The following KCNQ5 variants were observed in gnomAD, a reference collection of about 807,000 sequenced individuals.
The protein encoded by KCNQ5 is potassium voltage-gated channel subfamily Q member 5.
Under a neutral mutation model 98.2 loss-of-function variants are expected in KCNQ5, and 30 were observed. The observed-to-expected ratio is 0.31, with a 90% CI of 0.23 to 0.41. KCNQ5 has a LOEUF of 0.41. Ranked by LOEUF, KCNQ5 falls within the 10% of genes least tolerant of loss-of-function variation. KCNQ5 has a pLI of 1.00. For missense variants in KCNQ5, 835 were observed against 1,182.5 expected (o/e 0.71, Z 4.31); for synonymous variants, 458 against 449.4 (o/e 1.02, Z -0.24).
At chr6:73,054,132 A>G (rs951329341) in intron 3 of KCNQ5, among the ~76,000 whole-genome samples, 1 of 152,214 alleles carries the variant, frequency 6.6e-6, no homozygotes, top group South Asian at 2.1e-4. Flanking sequence ...CAACCTTCCA[A>G]GATTGAACCA....
At chr6:72,868,936 G>A (rs917835095) in intron 1 of KCNQ5, among the ~76,000 whole-genome samples, 3 of 152,138 alleles carry the variant, frequency 2.0e-5, no homozygotes, top group Non-Finnish European at 4.4e-5. Context: ...CAGCACAACA[G>A]AACAATAATT....
At position 72,899,131 on chromosome 6, in the gene KCNQ5, G is replaced by A. The variant is rs770054387; in HGVS notation, c.399-104777G>A. Among the ~76,000 whole-genome samples the A allele has an allele frequency of 7.9e-5, 12 of 151,980 alleles. No individual in the cohort carries two copies. The East Asian group carries it at 9.6e-4, about 12-fold the overall frequency. The stretch of plus-strand genomic sequence containing the variant: ...TTTTTTCCCATTATGTAGGTTGCCC[G>A]CACTCTGATGATAGTTTCTTTTGCT... On this transcript the variant is annotated intron_variant, in intron 1 of 13. Transcript: ENST00000370398.
At chr6:73,113,940 A>G (rs1775372318) in intron 7 of KCNQ5, among the ~76,000 whole-genome samples, 1 of 152,248 alleles carries the variant, frequency 6.6e-6, no homozygotes, top group African/African-American at 2.4e-5. Context: ...TCCAACTTAA[A>G]TGTTGTTCTT....
intron 1 of KCNQ5, among the ~76,000 whole-genome samples, chr6:72,979,126 C>A (rs528452979): frequency 1.0e-3 from 156 of 152,210 alleles, no homozygotes; most frequent in African/African-American, 3.7e-3. Flanking sequence ...TGAATAGTGC[C>A]GCAGTAAACA....
At chr6:72,923,547 T>G (rs1363845820) in intron 1 of KCNQ5, among the ~76,000 whole-genome samples, 1 of 152,222 alleles carries the variant, frequency 6.6e-6, no homozygotes, top group Admixed American at 6.5e-5. Flanking sequence ...TGAGAAATTT[T>G]TTTAATCCTT....
At chr6:73,063,726 G>GATAGATA (rs1772922221) in intron 3 of KCNQ5, among the ~76,000 whole-genome samples, 1 of 83,538 alleles carries the variant, frequency 1.2e-5, no homozygotes, top group Non-Finnish European at 2.4e-5. Flanking sequence ...ATAGATGATA[G>GATAGATA]ATAGATAGAT....
intron 1 of KCNQ5, among the ~76,000 whole-genome samples, chr6:72,694,582 C>G (rs1262735619): frequency 6.6e-6 from 1 of 152,122 alleles, no homozygotes; most frequent in African/African-American, 2.4e-5. Context: ...ATTTCCTCAT[C>G]TATAAGATAA....
At chr6:72,864,335 G>C (rs1049126108) in intron 1 of KCNQ5, among the ~76,000 whole-genome samples, 3 of 152,050 alleles carry the variant, frequency 2.0e-5, no homozygotes, top group African/African-American at 4.8e-5. Context: ...CAAAGCCAAG[G>C]AGTTTACAAA....
chr6:73,184,409 T>C (rs2150517832), intron 11 of KCNQ5, among the ~76,000 whole-genome samples: 1 of 152,376 alleles, frequency 6.6e-6, no homozygotes, highest in South Asian at 2.1e-4. Flanking sequence ...ATGCTCTTTC[T>C]GAAATGTGCC....
At chr6:72,862,155 C>G (rs979992358) in intron 1 of KCNQ5, among the ~76,000 whole-genome samples, 2 of 152,174 alleles carry the variant, frequency 1.3e-5, no homozygotes, top group African/African-American at 4.8e-5. Flanking sequence ...AGGGACCTGT[C>G]TGTCTAGCAC....
intron 3 of KCNQ5, among the ~76,000 whole-genome samples, chr6:73,075,915 C>T (rs536084793): frequency 1.7e-4 from 26 of 152,252 alleles, no homozygotes; most frequent in Middle Eastern, 3.4e-3. Context: ...CGTGTTGGTG[C>T]ATGCCTGTAG....
chr6:73,119,228 G>A (rs1170291694), intron 7 of KCNQ5, among the ~76,000 whole-genome samples: 1 of 152,160 alleles, frequency 6.6e-6, no homozygotes, highest in Non-Finnish European at 1.5e-5. Context: ...AGTTCAGATG[G>A]AAGCTTTTCC....
intron 1 of KCNQ5, among the ~76,000 whole-genome samples, chr6:72,916,507 T>A (rs1001523715): frequency 5.9e-5 from 9 of 152,170 alleles, no homozygotes; most frequent in African/African-American, 2.2e-4. Context: ...CACTCCCCCT[T>A]ACAAACAGTT....
intron 1 of KCNQ5, among the ~76,000 whole-genome samples, chr6:72,726,647 G>T (rs1770295772): frequency 6.6e-6 from 1 of 152,084 alleles, no homozygotes; most frequent in Non-Finnish European, 1.5e-5. Context: ...TGGCAAATAG[G>T]GGGAGATGAT....
chr6:72,883,437 C>T (rs925323932), intron 1 of KCNQ5, among the ~76,000 whole-genome samples: 1 of 151,956 alleles, frequency 6.6e-6, no homozygotes, highest in African/African-American at 2.4e-5. Context: ...AAAAAAAATC[C>T]CTGAAACATC....
rs78650882 is a variant in KCNQ5, at chr6:73,056,533, G to T, written c.616+14471G>T. Reference sequence around the variant, plus strand: ...CATTCCTCATACCAATATGGGGTAAGCTCCTTGACCTTTGAGGGGCAGGAG... The same window carrying T: ...CATTCCTCATACCAATATGGGGTAATCTCCTTGACCTTTGAGGGGCAGGAG... On this transcript the variant is annotated intron_variant, in intron 3 of 13. Coordinates refer to ENST00000370398, the MANE Select transcript of KCNQ5 (RefSeq NM_019842.4). Among the ~76,000 whole-genome samples the T allele has an allele frequency of 3.3e-5, 5 of 152,276 alleles. No homozygotes were observed. In the East Asian group the frequency reaches 7.7e-4, roughly 23 times the overall value.
intron 11 of KCNQ5, among the ~76,000 whole-genome samples, chr6:73,184,709 G>A (rs1778507300): frequency 6.6e-6 from 1 of 152,232 alleles, no homozygotes; most frequent in Admixed American, 6.5e-5. Flanking sequence ...CCCAGTGAGG[G>A]TGGTTAGGAA....
chr6:73,003,775 C>G lies in KCNQ5; in HGVS notation c.399-133C>G, dbSNP rs903144294. 187 of 613,132 alleles carry G rather than the reference C, an allele frequency of 3.0e-4. 3 individuals carry two copies. The highest frequency in any genetic ancestry group is 5.2e-5 in the Non-Finnish European group (18 of 344,004). 38.0% of individuals were successfully genotyped at this position (613,132 alleles called of 1,614,324 possible). On this transcript the variant is annotated intron_variant, in intron 1 of 13. Coordinates refer to ENST00000370398, the MANE Select transcript of KCNQ5 (RefSeq NM_019842.4). ...TATTTTAATATCCAAAATGGCTAGT[C>G]CCTTCCAGAGTTTTTATGAGTTAAT...
At chr6:72,963,773 G>A (rs1256597093) in intron 1 of KCNQ5, among the ~76,000 whole-genome samples, 1 of 151,796 alleles carries the variant, frequency 6.6e-6, no homozygotes, top group East Asian at 1.9e-4. Flanking sequence ...AGCAATTCTC[G>A]TGCCTCAGCC....
Sources: gnomAD v4.1 joint callset for allele counts (sites outside exome capture counted in the v4.1 genomes callset) on GRCh38, gnomAD v4.1.1 for gene constraint, MANE v1.5 for transcripts, NCBI Gene and HGNC (gene_info 2026-07-23, HGNC 2026-07-21) for gene names.